CDCA5: variants seen among roughly 807,000 people sequenced by gnomAD.
CDCA5 encodes sororin.
A neutral mutation model predicts 25.7 loss-of-function variants in CDCA5; 14 were observed. That is an observed-to-expected ratio of 0.54 (90% CI 0.36 to 0.85). CDCA5 has a LOEUF of 0.85. Among genes scored for constraint, CDCA5 ranks in the 40% least tolerant of loss-of-function variants. CDCA5 has a pLI of 0.01. For missense variants in CDCA5, 307 were observed against 324.5 expected, an observed-to-expected ratio of 0.95 and a Z score of 0.41; for synonymous variants, 127 against 128.7, an observed-to-expected ratio of 0.99 and a Z score of 0.09.
Position 65,078,915 on chromosome 11 carries a change from C to T in CDCA5, c.*192G>A. 1 of 1,255,154 alleles carries T rather than the reference C, an allele frequency of 8.0e-7. No homozygotes were observed. 77.8% of individuals were successfully genotyped at this position (1,255,154 alleles called of 1,614,324 possible). A position where few individuals can be genotyped will look rare whatever the true frequency, so the allele number is the denominator to read the frequency against. On this transcript the variant is annotated 3_prime_UTR_variant, in exon 6 of 6. Coordinates refer to ENST00000275517, the MANE Select transcript of CDCA5 (RefSeq NM_080668.4). ...ACCAGTGAGTGGCTGGGCCAGGCGG[C>T]CCCATTTCCTAAAACCAAGATGGCT... is the stretch of plus-strand genomic sequence containing the variant.
chr11:65,079,018 G>T lies in CDCA5; in HGVS notation c.*89C>A, dbSNP rs1443878839. 1.4e-6 allele frequency: 2 copies of T among 1,384,656 alleles called. No homozygotes were observed. The allele number at this position is 1,384,656 out of a possible 1,614,324, so 85.8% of individuals were successfully genotyped here. A position where few individuals can be genotyped will look rare whatever the true frequency, so the allele number is the denominator to read the frequency against. On this transcript the variant is annotated 3_prime_UTR_variant, in exon 6 of 6. Coordinates refer to ENST00000275517, the MANE Select transcript of CDCA5 (RefSeq NM_080668.4). Reference sequence around the variant, plus strand: ...CACACACACAGGTAACAAGACCAGGGGAGGGGACCCTAAGTGTCCTCTCCA... The same window carrying T: ...CACACACACAGGTAACAAGACCAGGTGAGGGGACCCTAAGTGTCCTCTCCA...
At chr11:65,079,254 C>T (rs1216266018) in intron 5 of CDCA5, 67 bp from the exon 6 acceptor site, 3 of 1,598,602 alleles carry the variant, frequency 1.9e-6, no homozygotes, top group East Asian at 4.5e-5. Flanking sequence ...ATCTCACCCA[C>T]ACCCTGCAGG....
intron 4 of CDCA5, among the ~76,000 whole-genome samples, chr11:65,080,662 C>T (rs2137135531): frequency 6.6e-6 from 1 of 152,272 alleles, no homozygotes; most frequent in Admixed American, 6.5e-5. Flanking sequence ...ATTTCTCTCC[C>T]TGTTTCCACC....
intron 1 of CDCA5, chr11:65,068,739 C>G (rs533774874): frequency 9.0e-5 from 32 of 355,112 alleles, no homozygotes; most frequent in African/African-American, 6.8e-4. Flanking sequence ...GCCAGACCCC[C>G]TCAAAGTGAA....
chr11:65,068,080 G>A (rs1242903524), exon 3 of CDCA5: 3 of 1,289,260 alleles, frequency 2.3e-6, no homozygotes, highest in Non-Finnish European at 3.0e-6. Context: ...GTGTAAACAG[G>A]AACGTGACGG....
rs1216743056 is a variant in CDCA5 at position 65,079,102 on chromosome 11, G to A, written c.*5C>T. 9.9e-6 allele frequency: 15 copies of A among 1,516,236 alleles called. No homozygotes were observed. Among genetic ancestry groups the A allele is most frequent in the Non-Finnish European group, 1.3e-5 (15 of 1,135,084 alleles). 93.9% of individuals were successfully genotyped at this position (1,516,236 alleles called of 1,614,324 possible). ...AGTCTGGCCAGGTGCACCCCCCACT[G>A]CATCTCATTCAACCAGGAGATCAAA... On this transcript the variant is annotated 3_prime_UTR_variant, in exon 6 of 6. Transcript: ENST00000275517.
At chr11:65,073,019 C>T (rs1253764183), downstream of CDCA5, among the ~76,000 whole-genome samples, 1 of 144,926 alleles carries the variant, frequency 6.9e-6, no homozygotes. Context: ...TCTTGGCTCA[C>T]TGCAACCTCC....
chr11:65,080,762 TGTGCCAGGCACTGGGAACA>T (rs1465945784), intron 4 of CDCA5, among the ~76,000 whole-genome samples: 1 of 152,224 alleles, frequency 6.6e-6, no homozygotes, highest in African/African-American at 2.4e-5. Flanking sequence ...TCACCTGTCC[TGTGCCAGGCACTGGGAACA>T]CAGCAGGGAA....
At chr11:65,071,901 A>G (rs1000382963) in intron 1 of CDCA5, among the ~76,000 whole-genome samples, 5 of 152,168 alleles carry the variant, frequency 3.3e-5, no homozygotes, top group Admixed American at 3.3e-4. Flanking sequence ...TCTGCTGCTC[A>G]TAGGTGGGGC....
chr11:65,074,689 A>G (rs1028539325), downstream of CDCA5, among the ~76,000 whole-genome samples: 3 of 145,836 alleles, frequency 2.1e-5, no homozygotes, highest in African/African-American at 5.1e-5. Context: ...CAGTGAGCCC[A>G]GATCACAATA....
Position 65,078,348 on chromosome 11 carries a change from G to A in CDCA5, c.*759C>T, listed in dbSNP as rs1383312040. 2 of 985,554 alleles carry A rather than the reference G, an allele frequency of 2.0e-6. No homozygotes were observed. The highest frequency in any genetic ancestry group is 5.2e-4 in the Middle Eastern group (1 of 1,938). 61.1% of individuals were successfully genotyped at this position (985,554 alleles called of 1,614,324 possible). On this transcript the variant is annotated 3_prime_UTR_variant, in exon 6 of 6. Coordinates refer to ENST00000275517, the MANE Select transcript of CDCA5 (RefSeq NM_080668.4). The stretch of plus-strand genomic sequence containing the variant: ...TGAGCCACAGAAACTCACAGCACCT[G>A]GTGGCCACACCCTGAAATGCACCCT...
chr11:65,076,652 A>G (rs545364442), downstream of CDCA5, among the ~76,000 whole-genome samples: 1 of 152,222 alleles, frequency 6.6e-6, no homozygotes, highest in Non-Finnish European at 1.5e-5. Flanking sequence ...AGTGTGGAGG[A>G]TGGGATGGGA....
downstream of CDCA5, among the ~76,000 whole-genome samples, chr11:65,065,645 A>G (rs116133106): frequency 6.6e-6 from 1 of 152,262 alleles, no homozygotes; most frequent in African/African-American, 2.4e-5. Flanking sequence ...TTTTGTATGT[A>G]ATTTAGCAAT....
chr11:65,083,831 C>A (rs1947630778), intron 1 of CDCA5, 102 bp downstream of exon 1: 12 of 1,584,860 alleles, frequency 7.6e-6, no homozygotes, highest in African/African-American at 1.3e-5. Flanking sequence ...CTTTTAAGGG[C>A]GCCTCCTCCG....
intron 4 of CDCA5, among the ~76,000 whole-genome samples, chr11:65,082,073 C>T (rs1295069728): frequency 6.6e-6 from 1 of 152,216 alleles, no homozygotes; most frequent in African/African-American, 2.4e-5. Flanking sequence ...GTATATCATC[C>T]TGGCTTTAGC....
At chr11:65,069,399 GGGGCTTGTGGCCT>G (rs142136723) in intron 1 of CDCA5, among the ~76,000 whole-genome samples, 8,828 of 152,004 alleles carry the variant, frequency 0.058, 332 homozygotes, top group African/African-American at 0.091. Flanking sequence ...CTTGTGGCAG[GGGGCTTGTGGCCT>G]GGGCTTGTGG....
chr11:65,077,348 G>T, downstream of CDCA5: 1 of 464,118 alleles, frequency 2.2e-6, no homozygotes, highest in Non-Finnish European at 2.8e-6. Context: ...GGGGAAGCGG[G>T]GCTGGGAGCG....
chr11:65,062,329 G>A (rs564737767), downstream of CDCA5, among the ~76,000 whole-genome samples: 4 of 152,176 alleles, frequency 2.6e-5, no homozygotes, highest in South Asian at 6.2e-4. Context: ...GCCATGTCAC[G>A]ACCGTGCTCA....
chr11:65,084,016 C>T lies in CDCA5; in HGVS notation c.-38G>A, dbSNP rs748081644. ...GTCTCGAGCTCCTCCAGCGCCGCCG[C>T]CCCGGGCGCGCGCCAACCGGGAAGG... On this transcript the variant is annotated 5_prime_UTR_variant, in exon 1 of 6. Coordinates refer to ENST00000275517, the MANE Select transcript of CDCA5 (RefSeq NM_080668.4). The T allele has an allele frequency of 6.3e-7, 1 of 1,590,834 alleles. No individual in the cohort carries two copies. The highest frequency in any genetic ancestry group is 1.8e-5 in the Admixed American group (1 of 55,072).
Sources: gnomAD v4.1 joint callset for allele counts (sites outside exome capture counted in the v4.1 genomes callset) on GRCh38, gnomAD v4.1.1 for gene constraint, MANE v1.5 for transcripts, NCBI Gene and HGNC (gene_info 2026-07-23, HGNC 2026-07-21) for gene names.